ANO10: variants seen among roughly 807,000 people sequenced by gnomAD.
ANO10 encodes anoctamin-10.
A neutral mutation model predicts 74.7 loss-of-function variants in ANO10; 77 were observed. The ratio of observed to expected loss-of-function variants is 1.03; its 90% confidence interval spans 0.86 to 1.25. ANO10 has a LOEUF of 1.25. Among genes scored for constraint, ANO10 ranks in the 50% most tolerant of loss-of-function variants. The probability of loss-of-function intolerance (pLI) is 0.00; values close to 1 mark genes in which losing one functional copy is unlikely to be tolerated. For missense variants in ANO10, 721 were observed against 778.1 expected, an observed-to-expected ratio of 0.93 and a Z score of 0.87; for synonymous variants, 279 against 284.9, an observed-to-expected ratio of 0.98 and a Z score of 0.21.
intron 4 of ANO10, among the ~76,000 whole-genome samples, chr3:43,585,849 G>A (rs3755603): frequency 0.059 from 9,054 of 152,226 alleles, 376 homozygotes; most frequent in Admixed American, 0.11. Flanking sequence ...ACAGAATGTG[G>A]AAATCCTGGT....
At chr3:43,678,629 T>C (rs1181196174) in intron 1 of ANO10, among the ~76,000 whole-genome samples, 1 of 152,122 alleles carries the variant, frequency 6.6e-6, no homozygotes, top group Non-Finnish European at 1.5e-5. Context: ...TGTGAGCCTT[T>C]AAAAGGGACA....
At chr3:43,591,213 T>G (rs932116594) in intron 4 of ANO10, among the ~76,000 whole-genome samples, 1 of 152,304 alleles carries the variant, frequency 6.6e-6, no homozygotes, top group Middle Eastern at 3.4e-3. Flanking sequence ...TTCGCCGCAG[T>G]TGCAGACCCA....
chr3:43,632,627 A>G (rs905535912), intron 1 of ANO10, among the ~76,000 whole-genome samples: 2 of 152,244 alleles, frequency 1.3e-5, no homozygotes, highest in Non-Finnish European at 2.9e-5. Context: ...GGAGTATGCC[A>G]TCTGTTTCCT....
chr3:43,448,670 G>A (rs561330353), intron 11 of ANO10, among the ~76,000 whole-genome samples: 1 of 152,304 alleles, frequency 6.6e-6, no homozygotes, highest in East Asian at 1.9e-4. Flanking sequence ...CTGCAGGTTT[G>A]TGTATGGACA....
At chr3:43,401,138 C>T (rs2092473631) in intron 12 of ANO10, among the ~76,000 whole-genome samples, 1 of 152,050 alleles carries the variant, frequency 6.6e-6, no homozygotes, top group Non-Finnish European at 1.5e-5. Flanking sequence ...TACTCTTGGC[C>T]CCCAGCCTTT....
chr3:43,631,218 T>G (rs897776040), intron 1 of ANO10, among the ~76,000 whole-genome samples: 1 of 152,188 alleles, frequency 6.6e-6, no homozygotes, highest in African/African-American at 2.4e-5. Flanking sequence ...GGATCTGGCT[T>G]TGTGACCTTC....
upstream of ANO10, among the ~76,000 whole-genome samples, chr3:43,625,169 C>G (rs892970974): frequency 2.0e-5 from 3 of 152,260 alleles, no homozygotes; most frequent in Admixed American, 6.5e-5. Flanking sequence ...TTCAGGGAAA[C>G]GGAGGGAGAG....
At chr3:43,611,886 T>C (rs924199188) in intron 1 of ANO10, among the ~76,000 whole-genome samples, 3 of 152,024 alleles carry the variant, frequency 2.0e-5, no homozygotes, top group South Asian at 2.1e-4. Flanking sequence ...GTCAAAGATA[T>C]TCTTGTTGGA....
intron 9 of ANO10, among the ~76,000 whole-genome samples, chr3:43,557,306 G>T (rs995057856): frequency 6.6e-6 from 1 of 152,078 alleles, no homozygotes; most frequent in Non-Finnish European, 1.5e-5. Flanking sequence ...AATCTTATGA[G>T]AAATAAGATC....
At chr3:43,667,078 T>G (rs1359694325) in intron 1 of ANO10, among the ~76,000 whole-genome samples, 3 of 122,384 alleles carry the variant, frequency 2.5e-5, no homozygotes, top group Non-Finnish European at 3.4e-5. Flanking sequence ...GCATGTTTTT[T>G]TTTTTTTTTT....
chr3:43,667,072 G>GTTTTTTTT (rs55764466), intron 1 of ANO10, among the ~76,000 whole-genome samples: 4 of 56,124 alleles, frequency 7.1e-5, no homozygotes, highest in East Asian at 6.2e-4. Context: ...TACAATGCAT[G>GTTTTTTTT]TTTTTTTTTT....
chr3:43,420,936 C>T (rs901038587), intron 12 of ANO10, among the ~76,000 whole-genome samples: 25 of 152,166 alleles, frequency 1.6e-4, no homozygotes, highest in African/African-American at 6.0e-4. Flanking sequence ...AAAGAATTGG[C>T]CAGGGGCCAA....
At chr3:43,395,001 CTT>C (rs902922052) in intron 12 of ANO10, among the ~76,000 whole-genome samples, 1 of 152,004 alleles carries the variant, frequency 6.6e-6, no homozygotes, top group African/African-American at 2.4e-5. Context: ...TTGCTGGACT[CTT>C]TTGCTGCTTG....
intron 1 of ANO10, among the ~76,000 whole-genome samples, chr3:43,632,725 T>G (rs1227492337): frequency 2.6e-5 from 4 of 152,230 alleles, no homozygotes; most frequent in African/African-American, 4.8e-5. Flanking sequence ...GTTTCTATAA[T>G]AGACTTGACT....
intron 1 of ANO10, among the ~76,000 whole-genome samples, chr3:43,688,946 C>T (rs2084312436): frequency 6.6e-6 from 1 of 152,054 alleles, no homozygotes; most frequent in African/African-American, 2.4e-5. Context: ...ATCAGCTTGG[C>T]TTCTGGAAAG....
chr3:43,614,801 A>ATATATATATATATGTATG (rs61457264), intron 1 of ANO10, among the ~76,000 whole-genome samples: 1 of 99,386 alleles, frequency 1.0e-5, no homozygotes, highest in Non-Finnish European at 2.1e-5. Context: ...ATATATATAT[A>ATATATATATATATGTATG]TAGGTTCATT....
intron 1 of ANO10, among the ~76,000 whole-genome samples, chr3:43,648,884 A>C (rs1013307134): frequency 2.6e-5 from 4 of 151,932 alleles, no homozygotes; most frequent in African/African-American, 9.7e-5. Flanking sequence ...TCATCGTGTT[A>C]GCCAGGATAG....
chr3:43,410,418 T>C (rs367731567), intron 12 of ANO10, among the ~76,000 whole-genome samples: 1 of 152,106 alleles, frequency 6.6e-6, no homozygotes, highest in East Asian at 1.9e-4. Flanking sequence ...CACACCTGGC[T>C]TCTATGTGAT....
At chr3:43,659,054 T>C (rs183896307) in intron 1 of ANO10, among the ~76,000 whole-genome samples, 20 of 152,336 alleles carry the variant, frequency 1.3e-4, no homozygotes, top group African/African-American at 4.1e-4. Flanking sequence ...CAGTATCTTC[T>C]TTTCTTGGTT....
Sources: gnomAD v4.1 joint callset for allele counts (sites outside exome capture counted in the v4.1 genomes callset) on GRCh38, gnomAD v4.1.1 for gene constraint, MANE v1.5 for transcripts, NCBI Gene and HGNC (gene_info 2026-07-23, HGNC 2026-07-21) for gene names.